Variants in COL28A1 observed in about 807,000 individuals in gnomAD.
The protein encoded by COL28A1 is collagen alpha-1(XXVIII) chain.
In COL28A1, 161 loss-of-function variants were observed where a neutral mutation model predicts 150.2. The ratio of observed to expected loss-of-function variants is 1.07; its 90% confidence interval spans 0.94 to 1.22. The LOEUF is 1.22. Among genes scored for constraint, COL28A1 ranks in the 50% most tolerant of loss-of-function variants. The pLI is 0.00. For synonymous variants in COL28A1, 552 were observed against 469.7 expected (o/e 1.18, Z -2.26); for missense variants, 1,617 against 1,388.3 (o/e 1.16, Z -2.62).
intron 15 of COL28A1, among the ~76,000 whole-genome samples, chr7:7,464,321 T>C (rs1787879782): frequency 6.6e-6 from 1 of 152,128 alleles, no homozygotes; most frequent in Admixed American, 6.5e-5. Context: ...ACTTAACAGA[T>C]ACTTACAGAA....
At chr7:7,495,826 A>G (rs1434982429) in intron 11 of COL28A1, among the ~76,000 whole-genome samples, 3 of 152,166 alleles carry the variant, frequency 2.0e-5, no homozygotes, top group African/African-American at 7.2e-5. Context: ...ATTGCTGCAG[A>G]GCAATTTTTT....
chr7:7,472,753 CAATT>C (rs1464938575), intron 15 of COL28A1, among the ~76,000 whole-genome samples: 1 of 152,162 alleles, frequency 6.6e-6, no homozygotes, highest in Non-Finnish European at 1.5e-5. Context: ...CTGGAGGCAT[CAATT>C]ACCTGATTTC....
chr7:7,431,400 G>A, intron 25 of COL28A1: 1 of 375,384 alleles, frequency 2.7e-6, no homozygotes, highest in South Asian at 2.0e-5. Context: ...GATGATCTCA[G>A]AAAGTGATAC....
chr7:7,453,547 G>T (rs2128331427), intron 16 of COL28A1, 39 bp from the exon 17 acceptor site: 2 of 859,754 alleles, frequency 2.3e-6, no homozygotes, highest in South Asian at 1.4e-5. Flanking sequence ...TTAGTGAAAT[G>T]AAGTAGTTTC....
At chr7:7,434,593 C>G (rs1454991950) in intron 23 of COL28A1, among the ~76,000 whole-genome samples, 1 of 152,218 alleles carries the variant, frequency 6.6e-6, no homozygotes, top group Non-Finnish European at 1.5e-5. Context: ...TGTTTAACGT[C>G]TGACACCACA....
In COL28A1 at chr7:7,478,534, C is replaced by T. The variant is rs142924596; in HGVS notation, c.1165-1354G>A. On this transcript the variant is annotated intron_variant, in intron 13 of 34. Coordinates refer to ENST00000399429, the MANE Select transcript of COL28A1 (RefSeq NM_001037763.3). ...GGTGGAGCTGCCTGCCAGTCCCAGG[C>T]CCTGCGCCCACACTCCTCAGCCCTT... 1.4e-4 allele frequency among the ~76,000 whole-genome samples: 21 copies of T among 152,374 alleles called. No homozygotes were observed. In the East Asian group the frequency reaches 3.9e-3, roughly 28 times the overall value.
chr7:7,352,736 A>C (rs529638803), downstream of COL28A1, among the ~76,000 whole-genome samples: 3 of 152,318 alleles, frequency 2.0e-5, no homozygotes, highest in African/African-American at 7.2e-5. Flanking sequence ...CTTCTGACCT[A>C]CAAAATTATA....
chr7:7,518,385 A>C (rs890395823), intron 6 of COL28A1, among the ~76,000 whole-genome samples: 5 of 152,168 alleles, frequency 3.3e-5, no homozygotes, highest in African/African-American at 1.2e-4. Flanking sequence ...TTGGTTGAGC[A>C]TGTGTGTGTA....
intron 27 of COL28A1, among the ~76,000 whole-genome samples, chr7:7,398,214 T>G (rs560981729): frequency 1.3e-5 from 2 of 152,226 alleles, no homozygotes; most frequent in African/African-American, 2.4e-5. Flanking sequence ...ATTCTTCTGA[T>G]AGTCATCAAA....
chr7:7,471,570 G>C (rs147854217), intron 15 of COL28A1, among the ~76,000 whole-genome samples: 1 of 152,100 alleles, frequency 6.6e-6, no homozygotes. Context: ...TTTAACATAC[G>C]CAAGTCAATA....
upstream of COL28A1, among the ~76,000 whole-genome samples, chr7:7,537,639 G>C (rs1285831209): frequency 1.3e-5 from 2 of 152,166 alleles, no homozygotes; most frequent in Non-Finnish European, 1.5e-5. Flanking sequence ...GCATCATTAA[G>C]TATCTATGCG....
At chr7:7,369,994 T>C (rs935107145) in intron 33 of COL28A1, among the ~76,000 whole-genome samples, 6 of 152,148 alleles carry the variant, frequency 3.9e-5, no homozygotes, top group Admixed American at 3.3e-4. Context: ...GAAGAGACTA[T>C]AGCACTCATC....
intron 13 of COL28A1, among the ~76,000 whole-genome samples, chr7:7,481,274 C>T (rs1037398548): frequency 1.9e-4 from 29 of 152,166 alleles, no homozygotes; most frequent in African/African-American, 7.0e-4. Flanking sequence ...AGTTAATGCT[C>T]ATGGACAGTC....
chr7:7,527,565 A>G (rs564416418), intron 3 of COL28A1, among the ~76,000 whole-genome samples: 1 of 152,322 alleles, frequency 6.6e-6, no homozygotes, highest in Admixed American at 6.5e-5. Context: ...GCTTGCACTC[A>G]GGCAGGGAAG....
At chr7:7,425,565 T>A (rs1282138733) in intron 25 of COL28A1, among the ~76,000 whole-genome samples, 2 of 152,222 alleles carry the variant, frequency 1.3e-5, no homozygotes, top group African/African-American at 4.8e-5. Context: ...AATGTGTTAA[T>A]TGACTTCATT....
At chr7:7,459,820 T>C (rs1055778408) in intron 15 of COL28A1, among the ~76,000 whole-genome samples, 6 of 152,132 alleles carry the variant, frequency 3.9e-5, no homozygotes, top group Admixed American at 2.0e-4. Flanking sequence ...ATCATCAAGA[T>C]CAAACAAGGC....
At chr7:7,496,978 G>C (rs529913501) in intron 11 of COL28A1, among the ~76,000 whole-genome samples, 1 of 145,972 alleles carries the variant, frequency 6.9e-6, no homozygotes. Context: ...AGTGATGACT[G>C]TATACAGAGA....
chr7:7,391,758 G>C (rs992368300), intron 27 of COL28A1, among the ~76,000 whole-genome samples: 5 of 146,044 alleles, frequency 3.4e-5, no homozygotes, highest in African/African-American at 1.3e-4. Context: ...GATCTTTGTT[G>C]ATTTAAAGTC....
At position 7,531,029 on chromosome 7, in the gene COL28A1, G is replaced by T. The variant is rs531316153; in HGVS notation, c.681+319C>A. On this transcript the variant is annotated intron_variant, in intron 3 of 34. Transcript: ENST00000399429. ...TTGAGCACAACCTGAATATAAGTCA[G>T]CAATGTTCATGATTGTAGGCTGTAT... 2.0e-5 allele frequency among the ~76,000 whole-genome samples: 3 copies of T among 152,274 alleles called. No homozygotes were observed. The East Asian group carries it at 5.8e-4, about 29-fold the overall frequency.
Sources: gnomAD v4.1 joint callset for allele counts (sites outside exome capture counted in the v4.1 genomes callset) on GRCh38, gnomAD v4.1.1 for gene constraint, MANE v1.5 for transcripts, NCBI Gene and HGNC (gene_info 2026-07-23, HGNC 2026-07-21) for gene names.